The following RUNX2 variants were observed in gnomAD, a reference collection of about 807,000 sequenced individuals.
The protein encoded by RUNX2 is runt-related transcription factor 2.
In RUNX2, 10 loss-of-function variants were observed where a neutral mutation model predicts 51.7. The observed-to-expected ratio is 0.19, with a 90% CI of 0.12 to 0.33. The LOEUF (loss-of-function observed/expected upper bound fraction) is 0.33. Among genes scored for constraint, RUNX2 ranks in the 10% least tolerant of loss-of-function variants. The pLI is 1.00. For missense variants in RUNX2, 562 were observed against 691.3 expected, an observed-to-expected ratio of 0.81 and a Z score of 2.10; for synonymous variants, 276 against 273.6, an observed-to-expected ratio of 1.01 and a Z score of -0.09.
At chr6:45,476,730 G>C (rs1182862486) in intron 5 of RUNX2, among the ~76,000 whole-genome samples, 3 of 152,152 alleles carry the variant, frequency 2.0e-5, no homozygotes, top group Non-Finnish European at 4.4e-5. Flanking sequence ...TAAAATTATA[G>C]ACCAGTCTAG....
chr6:45,452,668 A>T (rs1307446002), intron 5 of RUNX2, among the ~76,000 whole-genome samples: 2 of 152,176 alleles, frequency 1.3e-5, no homozygotes, highest in Non-Finnish European at 2.9e-5. Context: ...ACACACACAG[A>T]CACACACATG....
At chr6:45,405,907 G>C (rs1797824506) in intron 2 of RUNX2, among the ~76,000 whole-genome samples, 1 of 152,150 alleles carries the variant, frequency 6.6e-6, no homozygotes, top group Admixed American at 6.5e-5. Flanking sequence ...CATTTGATGA[G>C]ATACCACCCT....
rs150962268 is a variant in RUNX2 at position 45,422,830 on chromosome 6, A to T, written c.296A>T (p.Asn99Ile). ...AVPRLRPPHD[N>I]RTMVEIIADH... ...CCCCGGTTGCGGCCGCCCCACGACA[A>T]CCGCACCATGGTGGAGATCATCGCC... Residue 99 changes from asparagine to isoleucine, a missense_variant, in exon 3 of 9, where the codon AAC (asparagine) becomes ATC (isoleucine). Asn to Ile is a moderately radical substitution (Grantham distance 149). Around this residue, in one of 5 missense-constraint regions of RUNX2, gnomAD observed 153 missense variants for 144.8 expected, o/e 1.06. Transcript: ENST00000647337. 2.9e-4 allele frequency: 465 copies of T among 1,606,870 alleles called. 1 individual carries two copies. Among genetic ancestry groups the T allele is most frequent in the Non-Finnish European group, 3.9e-4 (457 of 1,178,092 alleles).
chr6:45,473,534 G>A (rs548473636), intron 5 of RUNX2, among the ~76,000 whole-genome samples: 1 of 152,110 alleles, frequency 6.6e-6, no homozygotes, highest in African/African-American at 2.4e-5. Flanking sequence ...CTTGACGACA[G>A]GTGCTAATCT....
intron 3 of RUNX2, among the ~76,000 whole-genome samples, chr6:45,429,499 T>C (rs530494215): frequency 1.3e-5 from 2 of 152,254 alleles, no homozygotes; most frequent in South Asian, 4.1e-4. Context: ...CAGTAGCCGC[T>C]TGAGATATGA....
chr6:45,405,094 A>C (rs1297229104), intron 2 of RUNX2, among the ~76,000 whole-genome samples: 2 of 152,222 alleles, frequency 1.3e-5, no homozygotes, highest in Non-Finnish European at 2.9e-5. Context: ...CTTTTCATCC[A>C]TGCAAATTCT....
At chr6:45,422,497 C>A in intron 2 of RUNX2, 96 bp from the exon 3 acceptor site, 2 of 585,654 alleles carry the variant, frequency 3.4e-6, no homozygotes, top group South Asian at 1.9e-5. Context: ...CTCGCCTTCA[C>A]CCCCCCAATT....
chr6:45,458,780 G>A (rs549263377), intron 5 of RUNX2, among the ~76,000 whole-genome samples: 2 of 152,232 alleles, frequency 1.3e-5, no homozygotes, highest in African/African-American at 2.4e-5. Flanking sequence ...GTGGCTCTAA[G>A]TATGATCTGG....
At chr6:45,395,606 C>T (rs1001126761) in intron 2 of RUNX2, among the ~76,000 whole-genome samples, 6 of 152,306 alleles carry the variant, frequency 3.9e-5, no homozygotes, top group Non-Finnish European at 7.4e-5. Context: ...TTCTATGGTT[C>T]TTTACCTTAC....
chr6:45,541,457 A>T (rs141034665), intron 7 of RUNX2, among the ~76,000 whole-genome samples: 1 of 152,336 alleles, frequency 6.6e-6, no homozygotes, highest in East Asian at 1.9e-4. Context: ...GAGCAGCTCC[A>T]CATAGGTCTT....
chr6:45,407,692 G>A (rs1296142235), intron 2 of RUNX2, among the ~76,000 whole-genome samples: 1 of 151,672 alleles, frequency 6.6e-6, no homozygotes, highest in Admixed American at 6.6e-5. Context: ...AGAGACAGAG[G>A]TCTCGCTATG....
At chr6:45,373,707 T>A (rs956501588) in intron 2 of RUNX2, among the ~76,000 whole-genome samples, 2 of 152,054 alleles carry the variant, frequency 1.3e-5, no homozygotes, top group African/African-American at 4.8e-5. Flanking sequence ...TGCACCACCA[T>A]GCCCGGCTAA....
intron 5 of RUNX2, among the ~76,000 whole-genome samples, chr6:45,470,404 C>T (rs1391646599): frequency 6.6e-6 from 1 of 152,182 alleles, no homozygotes; most frequent in Admixed American, 6.5e-5. Context: ...AAAACCAGCT[C>T]TTCTTGTAGT....
intron 2 of RUNX2, among the ~76,000 whole-genome samples, chr6:45,338,180 G>A (rs1192581017): frequency 6.6e-6 from 1 of 152,022 alleles, no homozygotes; most frequent in Non-Finnish European, 1.5e-5. Flanking sequence ...GCTAATGCCT[G>A]TATTAGGTAT....
intron 4 of RUNX2, among the ~76,000 whole-genome samples, chr6:45,433,044 AT>A: frequency 6.6e-6 from 1 of 152,302 alleles, no homozygotes. Flanking sequence ...AATTATTACC[AT>A]TGTAAAAACT....
intron 7 of RUNX2, among the ~76,000 whole-genome samples, chr6:45,533,073 T>C (rs1397002365): frequency 6.6e-6 from 1 of 151,920 alleles, no homozygotes; most frequent in Non-Finnish European, 1.5e-5. Context: ...AAATGTCCAT[T>C]TGTGGCGAGT....
At chr6:45,407,785 C>T (rs912810607) in intron 2 of RUNX2, among the ~76,000 whole-genome samples, 3 of 152,164 alleles carry the variant, frequency 2.0e-5, no homozygotes, top group Admixed American at 6.5e-5. Context: ...TAGGCATGAG[C>T]CACTGTGTCC....
chr6:45,356,328 A>C (rs754638710), intron 2 of RUNX2, among the ~76,000 whole-genome samples: 2 of 152,138 alleles, frequency 1.3e-5, no homozygotes, highest in Non-Finnish European at 2.9e-5. Flanking sequence ...AAACACACAC[A>C]CATATACACA....
At chr6:45,443,168 A>G (rs1220681149) in intron 5 of RUNX2, among the ~76,000 whole-genome samples, 6 of 148,076 alleles carry the variant, frequency 4.1e-5, no homozygotes, top group African/African-American at 7.5e-5. Flanking sequence ...CTCTCACCTC[A>G]GCCTCCTGAG....
Sources: gnomAD v4.1 joint callset for allele counts (sites outside exome capture counted in the v4.1 genomes callset) on GRCh38, gnomAD v4.1.1 for gene constraint, gnomAD v4.1.1 regional missense constraint, MANE v1.5 for transcripts, NCBI Gene and HGNC (gene_info 2026-07-23, HGNC 2026-07-21) for gene names.